MAML1: variants seen among roughly 807,000 people sequenced by gnomAD.
The protein encoded by MAML1 is mastermind-like protein 1.
Under a neutral mutation model 77.1 loss-of-function variants are expected in MAML1, and 14 were observed. That is an observed-to-expected ratio of 0.18 (90% CI 0.12 to 0.28). The LOEUF (loss-of-function observed/expected upper bound fraction) is 0.28. Among genes scored for constraint, MAML1 ranks in the 10% least tolerant of loss-of-function variants. The pLI is 1.00. For missense variants in MAML1, 1,217 were observed against 1,327.8 expected, an observed-to-expected ratio of 0.92 and a Z score of 1.30; for synonymous variants, 516 against 551.9, an observed-to-expected ratio of 0.93 and a Z score of 0.91.
rs1046773311 is a variant in MAML1 at position 179,776,177 on chromosome 5, C to T, written c.*1300C>T. 1.0e-6 allele frequency: 1 copy of T among 985,880 alleles called. No homozygotes were observed. Among genetic ancestry groups the T allele is most frequent in the Middle Eastern group, 5.2e-4 (1 of 1,914 alleles). The allele number at this position is 985,880 out of a possible 1,614,324, so 61.1% of individuals were successfully genotyped here. Reference sequence around the variant, plus strand: ...GCAAAGTGGTAAGCACAGGGTGAGACCCTTTTACACAGAATGGTGGAGAGA... The same window carrying T: ...GCAAAGTGGTAAGCACAGGGTGAGATCCTTTTACACAGAATGGTGGAGAGA... On this transcript the variant is annotated 3_prime_UTR_variant, in exon 5 of 5. Coordinates refer to ENST00000292599, the MANE Select transcript of MAML1 (RefSeq NM_014757.5).
At chr5:179,750,345 C>T (rs759753403) in intron 1 of MAML1, among the ~76,000 whole-genome samples, 1 of 152,136 alleles carries the variant, frequency 6.6e-6, no homozygotes, top group Non-Finnish European at 1.5e-5. Context: ...GATTTGTTTT[C>T]TCGGGAGTAC....
At chr5:179,739,253 A>T (rs1489646030) in intron 1 of MAML1, among the ~76,000 whole-genome samples, 1 of 152,196 alleles carries the variant, frequency 6.6e-6, no homozygotes, top group African/African-American at 2.4e-5. Context: ...ATGGTGGCTC[A>T]TGCCTGTAAT....
At chr5:179,761,791 G>T (rs1385669320) in intron 1 of MAML1, among the ~76,000 whole-genome samples, 2 of 152,172 alleles carry the variant, frequency 1.3e-5, no homozygotes, top group African/African-American at 4.8e-5. Flanking sequence ...TGAAAATATG[G>T]CCTATGTGTA....
intron 1 of MAML1, among the ~76,000 whole-genome samples, chr5:179,740,148 T>G (rs1779253209): frequency 6.6e-6 from 1 of 152,270 alleles, no homozygotes; most frequent in Non-Finnish European, 1.5e-5. Flanking sequence ...CAGTACCAAG[T>G]GTCTGAGTTA....
chr5:179,773,848 C>A, intron 4 of MAML1, 47 bp from the exon 5 acceptor site: 2 of 1,570,056 alleles, frequency 1.3e-6, no homozygotes, highest in Non-Finnish European at 8.7e-7. Context: ...TCAGAGGGAC[C>A]CAGTGGTGGT....
chr5:179,753,095 CTG>C lies in MAML1; in HGVS notation c.316-12229_316-12228del, dbSNP rs1358438821. On this transcript the variant is annotated intron_variant, in intron 1 of 4. Coordinates refer to ENST00000292599, the MANE Select transcript of MAML1 (RefSeq NM_014757.5). The stretch of plus-strand genomic sequence containing the variant: ...GCCCATCTGTGGAACTCTTATCTCA[CTG>C]TCACTTCACAATCATTGGAACAGGA... 7.9e-5 allele frequency among the ~76,000 whole-genome samples: 12 copies of C among 152,224 alleles called. No individual in the cohort carries two copies. In the East Asian group the frequency reaches 2.3e-3, roughly 29 times the overall value.
chr5:179,765,505 C>A lies in MAML1; in HGVS notation c.495C>A (p.Asp165Glu). The A allele has an allele frequency of 6.2e-7, 1 of 1,614,110 alleles. No individual in the cohort carries two copies. Among genetic ancestry groups the A allele is most frequent in the Non-Finnish European group, 8.5e-7 (1 of 1,179,988 alleles). ...LPPASPLGQS[D>E]KPSGADALQS... Reference sequence around the variant, plus strand: ...CAGCCTCCCCCCTCGGTCAGTCTGACAAGCCTTCTGGAGCCGACGCCCTGC... The same window carrying A: ...CAGCCTCCCCCCTCGGTCAGTCTGAAAAGCCTTCTGGAGCCGACGCCCTGC... The change falls in exon 2 of 5, where the codon GAC (aspartate) becomes GAA (glutamate). Residue 165 changes from aspartate (D) to glutamate (E), a missense_variant. This residue lies in a region of MAML1 where 312 missense variants were observed against 331.4 expected (regional missense o/e 0.94). Transcript: ENST00000292599.
intron 1 of MAML1, among the ~76,000 whole-genome samples, chr5:179,742,320 C>G (rs1259869166): frequency 6.6e-6 from 1 of 151,590 alleles, no homozygotes; most frequent in Non-Finnish European, 1.5e-5. Context: ...GAAACCTCAT[C>G]TCTACTAAAA....
chr5:179,772,461 A>C (rs911647509), intron 4 of MAML1, among the ~76,000 whole-genome samples: 1 of 152,168 alleles, frequency 6.6e-6, no homozygotes, highest in Non-Finnish European at 1.5e-5. Flanking sequence ...AGAAGAACAA[A>C]GCACTGAGTT....
chr5:179,768,085 G>A (rs896738417), intron 2 of MAML1, among the ~76,000 whole-genome samples: 2 of 152,218 alleles, frequency 1.3e-5, no homozygotes, highest in African/African-American at 2.4e-5. Flanking sequence ...GTTTCGGGTC[G>A]TTCAGGGATA....
At position 179,771,366 on chromosome 5, in the gene MAML1, A is replaced by C; in HGVS notation, c.2068+123A>C. On this transcript the variant is annotated intron_variant, in intron 4 of 4. Coordinates refer to ENST00000292599, the MANE Select transcript of MAML1 (RefSeq NM_014757.5). This position sits in a 1 kb window ranked among gnomAD's most constrained non-coding sequence, Gnocchi z 4.7. ...CAGGCTGCATGCATTGTCATCATAT[A>C]CACCTCAGTTTGCCTAAGGGGCCTG... 2 of 809,386 alleles carry C rather than the reference A, an allele frequency of 2.5e-6. No individual in the cohort carries two copies. The highest frequency in any genetic ancestry group is 4.0e-6 in the Non-Finnish European group (2 of 495,294). The allele number at this position is 809,386 out of a possible 1,614,324, so 50.1% of individuals were successfully genotyped here. A position where few individuals can be genotyped will look rare whatever the true frequency, so the allele number is the denominator to read the frequency against.
chr5:179,754,601 AAAAATGTG>A (rs1306298725), intron 1 of MAML1, among the ~76,000 whole-genome samples: 4 of 152,154 alleles, frequency 2.6e-5, no homozygotes, highest in Non-Finnish European at 4.4e-5. Context: ...AAAAGAAAAA[AAAAATGTG>A]AAATTGAGCA....
At position 179,766,826 on chromosome 5, in the gene MAML1, A is replaced by C. The variant is rs531378405; in HGVS notation, c.1731+85A>C. On this transcript the variant is annotated intron_variant, in intron 2 of 4. Coordinates refer to ENST00000292599, the MANE Select transcript of MAML1 (RefSeq NM_014757.5). The surrounding 1 kb of genome is among the most constrained non-coding windows in gnomAD (Gnocchi z 4.0). ...CTACTTTGGATGTTAATTGGATCCG[A>C]GGTAGTTGTGGGAAGAGGGAGGAGG... is the stretch of plus-strand genomic sequence containing the variant. 5 of 1,184,868 alleles carry C rather than the reference A, an allele frequency of 4.2e-6. No individual in the cohort carries two copies. Among genetic ancestry groups the C allele is most frequent in the Non-Finnish European group, 5.8e-6 (5 of 865,944 alleles). 73.4% of individuals were successfully genotyped at this position (1,184,868 alleles called of 1,614,324 possible).
intron 1 of MAML1, among the ~76,000 whole-genome samples, chr5:179,745,091 G>T (rs1044526574): frequency 6.6e-6 from 1 of 151,848 alleles, no homozygotes; most frequent in Non-Finnish European, 1.5e-5. Context: ...ATTTTTAGTA[G>T]AGATGGGGTT....
intron 1 of MAML1, among the ~76,000 whole-genome samples, chr5:179,734,440 C>G (rs770746703): frequency 6.6e-6 from 1 of 152,082 alleles, no homozygotes; most frequent in Non-Finnish European, 1.5e-5. Flanking sequence ...CTGACCTAAC[C>G]TATCTTTTAA....
chr5:179,753,415 A>G (rs1190315305), intron 1 of MAML1, among the ~76,000 whole-genome samples: 1 of 152,104 alleles, frequency 6.6e-6, no homozygotes, highest in Non-Finnish European at 1.5e-5. Context: ...TTAAGATAGA[A>G]TTGCTGCACT....
intron 1 of MAML1, among the ~76,000 whole-genome samples, chr5:179,741,978 A>G (rs550284926): frequency 9.9e-5 from 15 of 151,356 alleles, no homozygotes; most frequent in Non-Finnish European, 1.8e-4. Context: ...GCTCACTGCA[A>G]CCTCCACCTC....
chr5:179,764,004 G>T (rs1402970683), intron 1 of MAML1, among the ~76,000 whole-genome samples: 1 of 151,020 alleles, frequency 6.6e-6, no homozygotes, highest in Non-Finnish European at 1.5e-5. Context: ...CCTCTGAGCA[G>T]TGGAGTTGAG....
rs548517154 is a variant in MAML1 at position 179,765,031 on chromosome 5, A to AT, written c.316-288dup. ...TGTGTGTGTGTGTGTACTCTCTGGC[A>AT]TTTTTTTGTTGGCTCCATTCTTGGG... On this transcript the variant is annotated intron_variant, in intron 1 of 4. Transcript: ENST00000292599. Among the ~76,000 whole-genome samples, 966 of 146,324 alleles carry AT rather than the reference A, an allele frequency of 6.6e-3. 3 individuals are homozygous for AT. The highest frequency in any genetic ancestry group is 0.011 in the Non-Finnish European group (695 of 65,622).
Sources: gnomAD v4.1 joint callset for allele counts (sites outside exome capture counted in the v4.1 genomes callset) on GRCh38, gnomAD v4.1.1 for gene constraint, gnomAD v4.1.1 regional missense constraint, Gnocchi (gnomAD v3.1) non-coding constraint, MANE v1.5 for transcripts, NCBI Gene and HGNC (gene_info 2026-07-23, HGNC 2026-07-21) for gene names.